REG4: variants seen among roughly 807,000 people sequenced by gnomAD.
REG4 encodes the protein regenerating family member 4.
Under a neutral mutation model 22.3 loss-of-function variants are expected in REG4, and 16 were observed. The ratio of observed to expected loss-of-function variants is 0.72; its 90% CI spans 0.49 to 1.09. The LOEUF (loss-of-function observed/expected upper bound fraction) is 1.09. Ranked by LOEUF, REG4 falls within the 50% of genes least tolerant of loss-of-function variation. REG4 has a pLI of 0.00. For synonymous variants in REG4, 71 were observed against 69.2 expected (o/e 1.03, Z -0.13); for missense variants, 214 against 193.9 (o/e 1.10, Z -0.61).
chr1:119,794,043 A>T lies in REG4; in HGVS notation c.*575T>A. 2.0e-6 allele frequency: 1 copy of T among 504,598 alleles called. No homozygotes were observed. Among genetic ancestry groups the T allele is most frequent in the Non-Finnish European group, 4.1e-6 (1 of 242,662 alleles). 31.3% of individuals were successfully genotyped at this position (504,598 alleles called of 1,614,324 possible). A position where few individuals can be genotyped will look rare whatever the true frequency, so the allele number is the denominator to read the frequency against. On this transcript the variant is annotated 3_prime_UTR_variant, in exon 6 of 6. Transcript: ENST00000256585. The stretch of plus-strand genomic sequence containing the variant: ...TGGGTGTATTTCTTGGTCTTATTTC[A>T]CTTTTCCACATTCACCATTACTGAA...
In REG4 at chr1:119,799,710, C is replaced by T. The variant is rs1399241379; in HGVS notation, c.303+15G>A. The T allele has an allele frequency of 1.2e-6, 2 of 1,608,358 alleles. No individual in the cohort carries two copies. The highest frequency in any genetic ancestry group is 1.3e-5 in the African/African-American group (1 of 74,784). ...GCTTTCCCAAGAGGGCCTTTGTGGCCAAGTCTGAGGTTACCTTCTGTGGGT... is the reference window on the plus strand; with the variant it reads ...GCTTTCCCAAGAGGGCCTTTGTGGCTAAGTCTGAGGTTACCTTCTGTGGGT... On this transcript the variant is annotated intron_variant, in intron 4 of 5. Coordinates refer to ENST00000256585, the MANE Select transcript of REG4 (RefSeq NM_032044.4).
chr1:119,794,520 C>T lies in REG4; in HGVS notation c.*98G>A. On this transcript the variant is annotated 3_prime_UTR_variant, in exon 6 of 6. Coordinates refer to ENST00000256585, the MANE Select transcript of REG4 (RefSeq NM_032044.4). ...TAGGGCCCTTATCACTCTTAGTTTG[C>T]TAGGTTTCCCCTCTGAAATAATGAG... 4 of 1,142,658 alleles carry T rather than the reference C, an allele frequency of 3.5e-6. No homozygotes were observed. Among genetic ancestry groups the T allele is most frequent in the Non-Finnish European group, 5.3e-6 (4 of 752,882 alleles). The allele number at this position is 1,142,658 out of a possible 1,614,324, so 70.8% of individuals were successfully genotyped here. A position where few individuals can be genotyped will look rare whatever the true frequency, so the allele number is the denominator to read the frequency against.
intron 1 of REG4, among the ~76,000 whole-genome samples, chr1:119,809,612 T>G (rs1654434886): frequency 6.6e-6 from 1 of 152,222 alleles, no homozygotes; most frequent in Non-Finnish European, 1.5e-5. Context: ...ATAGCCTGGT[T>G]TTGTTTCTCA....
Position 119,794,385 on chromosome 1 carries a change from G to A in REG4, c.*233C>T. On this transcript the variant is annotated 3_prime_UTR_variant, in exon 6 of 6. Coordinates refer to ENST00000256585, the MANE Select transcript of REG4 (RefSeq NM_032044.4). The stretch of plus-strand genomic sequence containing the variant: ...CGAGACAGCCAGAGACAGGGGAGGA[G>A]GGAAGAAGGATACTGTGGAAAGGGA... 1 of 615,918 alleles carries A rather than the reference G, an allele frequency of 1.6e-6. No homozygotes were observed. Among genetic ancestry groups the A allele is most frequent in the Non-Finnish European group, 3.0e-6 (1 of 336,420 alleles). The allele number at this position is 615,918 out of a possible 1,614,324, so 38.2% of individuals were successfully genotyped here. A position where few individuals can be genotyped will look rare whatever the true frequency, so the allele number is the denominator to read the frequency against.
At chr1:119,797,234 G>A (rs1653960583) in intron 5 of REG4, among the ~76,000 whole-genome samples, 1 of 152,124 alleles carries the variant, frequency 6.6e-6, no homozygotes, top group Non-Finnish European at 1.5e-5. Flanking sequence ...AAATCCACTT[G>A]TTGATAGCCT....
chr1:119,799,973 C>A, intron 3 of REG4, 111 bp from the exon 4 acceptor site: 2 of 1,357,030 alleles, frequency 1.5e-6, no homozygotes, highest in Non-Finnish European at 2.0e-6. Flanking sequence ...CCCACTTCCT[C>A]CACACATCGT....
intron 3 of REG4, among the ~76,000 whole-genome samples, chr1:119,800,412 A>G (rs2101068753): frequency 6.6e-6 from 1 of 152,356 alleles, no homozygotes. Context: ...CACAATGTGC[A>G]TCAGAGAACA....
At chr1:119,802,636 C>G in intron 3 of REG4, 2 of 1,351,566 alleles carry the variant, frequency 1.5e-6, no homozygotes, top group East Asian at 2.8e-5. Context: ...TTTTCTTGGA[C>G]TGCTTCACCT....
At position 119,804,683 on chromosome 1, in the gene REG4, G is replaced by C. The variant is rs190574608; in HGVS notation, c.68-1518C>G. On this transcript the variant is annotated intron_variant, in intron 2 of 5. Transcript: ENST00000256585. ...CATTGCCGTTACTACTAGTACCACT[G>C]TCACTAGCTTTTGTAAATAAGGTGC... Among the ~76,000 whole-genome samples the C allele has an allele frequency of 6.6e-4, 100 of 152,294 alleles. 1 individual carries two copies. The highest frequency in any genetic ancestry group is 5.9e-3 in the Admixed American group (90 of 15,294).
At position 119,794,253 on chromosome 1, in the gene REG4, T is replaced by G. The variant is rs699778; in HGVS notation, c.*365A>C. 0.44 allele frequency: 242,982 copies of G among 546,634 alleles called. 57,202 individuals are homozygous for G. The highest frequency in any genetic ancestry group is 0.77 in the East Asian group (14,971 of 19,458). The allele number at this position is 546,634 out of a possible 1,614,324, so 33.9% of individuals were successfully genotyped here. A position where few individuals can be genotyped will look rare whatever the true frequency, so the allele number is the denominator to read the frequency against. On this transcript the variant is annotated 3_prime_UTR_variant, in exon 6 of 6. Coordinates refer to ENST00000256585, the MANE Select transcript of REG4 (RefSeq NM_032044.4). The stretch of plus-strand genomic sequence containing the variant: ...CAGAAGGGTGTAGAAGCTGAAGGGG[T>G]CTAGAAGCTTACTCCTGAGTTTCTT...
intron 2 of REG4, among the ~76,000 whole-genome samples, chr1:119,804,499 GACCA>G (rs1323965907): frequency 1.3e-5 from 2 of 152,156 alleles, no homozygotes; most frequent in Non-Finnish European, 2.9e-5. Flanking sequence ...AATGAATAAT[GACCA>G]ACCTAACTAC....
chr1:119,797,144 T>G (rs1289160540), intron 5 of REG4, among the ~76,000 whole-genome samples: 4 of 152,080 alleles, frequency 2.6e-5, no homozygotes, highest in African/African-American at 9.7e-5. Flanking sequence ...GGTTATAAGG[T>G]TTCTCACTAC....
intron 2 of REG4, among the ~76,000 whole-genome samples, chr1:119,803,740 G>A (rs1211107019): frequency 3.9e-5 from 6 of 152,184 alleles, no homozygotes; most frequent in Non-Finnish European, 8.8e-5. Flanking sequence ...TTCCAAGGAG[G>A]GAGGAGTCAC....
chr1:119,805,588 C>T (rs1340349095), intron 2 of REG4, among the ~76,000 whole-genome samples: 2 of 151,938 alleles, frequency 1.3e-5, no homozygotes, highest in East Asian at 3.9e-4. Context: ...TCATGACTCT[C>T]TCTCTTCTCT....
intron 5 of REG4, 117 bp from the exon 6 acceptor site, chr1:119,794,802 G>T: frequency 1.1e-6 from 1 of 872,888 alleles, no homozygotes; most frequent in South Asian, 1.4e-5. Context: ...GACTTTATGT[G>T]TCAACTTAGC....
chr1:119,808,741 A>G lies in REG4; in HGVS notation c.29T>C (p.Leu10Pro), dbSNP rs1444945215. The change falls in exon 2 of 6, where the codon CTA becomes CCA. Residue 10 changes from leucine to proline, a missense_variant. Transcript: ENST00000256585. ...TGTTTTGGCCAGGCAGCTCAGCAAT[A>G]GGAGCAGCCGCATGCTTCTGGAAGC... is the stretch of plus-strand genomic sequence containing the variant. MASRSMRLLLLLSCLAKTGV... is the reference protein window; with the variant it reads MASRSMRLLPLLSCLAKTGV... 1 of 1,614,042 alleles carries G rather than the reference A, an allele frequency of 6.2e-7. No individual in the cohort carries two copies. Among genetic ancestry groups the G allele is most frequent in the Non-Finnish European group, 8.5e-7 (1 of 1,179,924 alleles).
chr1:119,805,693 T>G (rs116485046), intron 2 of REG4, among the ~76,000 whole-genome samples: 2,098 of 152,236 alleles, frequency 0.014, 46 homozygotes, highest in African/African-American at 0.048. Context: ...TGACTTTCTA[T>G]GTATCTCTCC....
chr1:119,798,345 G>T, intron 5 of REG4, 152 bp downstream of exon 5: 1 of 642,682 alleles, frequency 1.6e-6, no homozygotes, highest in South Asian at 2.1e-5. Context: ...GGTAACCAAT[G>T]TCTGTGGCAA....
At chr1:119,802,320 T>C (rs922679780) in intron 3 of REG4, 5 of 985,140 alleles carry the variant, frequency 5.1e-6, no homozygotes, top group Non-Finnish European at 6.0e-6. Flanking sequence ...GGCGGGAGAA[T>C]ACCTTCATAG....
Sources: gnomAD v4.1 joint callset for allele counts (sites outside exome capture counted in the v4.1 genomes callset) on GRCh38, gnomAD v4.1.1 for gene constraint, MANE v1.5 for transcripts, NCBI Gene and HGNC (gene_info 2026-07-23, HGNC 2026-07-21) for gene names.